The following ROR2 variants were observed in gnomAD, a reference collection of about 807,000 sequenced individuals.
ROR2 encodes the protein tyrosine-protein kinase transmembrane receptor ROR2.
Under a neutral mutation model 74.9 loss-of-function variants are expected in ROR2, and 33 were observed. The ratio of observed to expected loss-of-function variants is 0.44; its 90% CI spans 0.33 to 0.59. The LOEUF is 0.59. Among genes scored for constraint, ROR2 ranks in the 20% least tolerant of loss-of-function variants. ROR2 has a pLI of 0.02. For missense variants in ROR2, 1,216 were observed against 1,313.8 expected, an observed-to-expected ratio of 0.93 and a Z score of 1.15; for synonymous variants, 586 against 558.7, an observed-to-expected ratio of 1.05 and a Z score of -0.69.
At position 91,730,907 on chromosome 9, in the gene ROR2, T is replaced by G; in HGVS notation, c.1183+3A>C. ...ATTAAAAAAAGAGAGAGAGAATACA[T>G]ACTACACGAGGGTACGTCACACAGT... is the stretch of plus-strand genomic sequence containing the variant. On this transcript the variant is annotated splice_donor_region_variant and intron_variant, in intron 7 of 8. Coordinates refer to ENST00000375708, the MANE Select transcript of ROR2 (RefSeq NM_004560.4). The G allele has an allele frequency of 6.2e-7, 1 of 1,614,074 alleles. No homozygotes were observed. The highest frequency in any genetic ancestry group is 8.5e-7 in the Non-Finnish European group (1 of 1,180,012).
At chr9:91,804,004 T>C (rs1827471619) in intron 1 of ROR2, among the ~76,000 whole-genome samples, 1 of 152,232 alleles carries the variant, frequency 6.6e-6, no homozygotes, top group Admixed American at 6.5e-5. Context: ...GAGATTTCGT[T>C]ATTAATTTGC....
chr9:91,776,494 C>T (rs1428721989), intron 1 of ROR2, among the ~76,000 whole-genome samples: 2 of 152,172 alleles, frequency 1.3e-5, no homozygotes, highest in Admixed American at 6.5e-5. Flanking sequence ...ACACCTCTCC[C>T]GGGGCAATCC....
chr9:91,936,756 C>T (rs1288359042), intron 1 of ROR2, among the ~76,000 whole-genome samples: 2 of 152,082 alleles, frequency 1.3e-5, no homozygotes, highest in East Asian at 1.9e-4. Context: ...TTCGGCCGGG[C>T]GCGGTGGCTC....
At chr9:91,812,753 T>G (rs1827803348) in intron 1 of ROR2, among the ~76,000 whole-genome samples, 1 of 152,112 alleles carries the variant, frequency 6.6e-6, no homozygotes, top group African/African-American at 2.4e-5. Context: ...TTTACAGGTC[T>G]TCAGATAATT....
intron 1 of ROR2, among the ~76,000 whole-genome samples, chr9:91,783,873 T>C (rs1367070282): frequency 1.3e-5 from 2 of 152,080 alleles, no homozygotes; most frequent in Admixed American, 1.3e-4. Context: ...GTCTGGATCT[T>C]TTCCTGCCTC....
At position 91,771,166 on chromosome 9, in the gene ROR2, C is replaced by T. The variant is rs556363532; in HGVS notation, c.175+4575G>A. ...ACCTCATATGGGCAAAGTCAGGAAT[C>T]CCCCTGCTGGCTGCAGTGTGGACGA... On this transcript the variant is annotated intron_variant, in intron 2 of 8. Transcript: ENST00000375708. Among the ~76,000 whole-genome samples, 4 of 152,314 alleles carry T rather than the reference C, an allele frequency of 2.6e-5. No individual in the cohort carries two copies. In the South Asian group the frequency reaches 6.2e-4, roughly 24 times the overall value.
In ROR2 at chr9:91,733,454, C is replaced by T. The variant is rs371475268; in HGVS notation, c.623-18G>A. ...GAAGGCCGCTGCAGAGCCCGCGAGA[C>T]TCGCGTTAGCGGGGGACCCACCTTG... On this transcript the variant is annotated intron_variant, in intron 5 of 8. Coordinates refer to ENST00000375708, the MANE Select transcript of ROR2 (RefSeq NM_004560.4). This position sits in a 1 kb window ranked among gnomAD's most constrained non-coding sequence, Gnocchi z 5.7. The T allele has an allele frequency of 3.7e-6, 6 of 1,605,754 alleles. No homozygotes were observed. In the African/African-American group the frequency reaches 4.0e-5, roughly 11 times the overall value.
intron 2 of ROR2, among the ~76,000 whole-genome samples, chr9:91,764,462 A>T (rs1278263769): frequency 6.6e-6 from 1 of 152,016 alleles, no homozygotes; most frequent in Non-Finnish European, 1.5e-5. Flanking sequence ...TGAAAGTTAT[A>T]CATAAGTGGC....
At chr9:91,902,814 G>C (rs986235594) in intron 1 of ROR2, among the ~76,000 whole-genome samples, 2 of 152,236 alleles carry the variant, frequency 1.3e-5, no homozygotes, top group Non-Finnish European at 2.9e-5. Flanking sequence ...CTGCAACATG[G>C]ATAAGCCTCG....
At chr9:91,836,526 T>G (rs1587767351) in intron 1 of ROR2, among the ~76,000 whole-genome samples, 1 of 138,022 alleles carries the variant, frequency 7.2e-6, no homozygotes, top group African/African-American at 3.1e-5. Flanking sequence ...GAAGACAGAG[T>G]GAGATTCCAT....
At chr9:91,936,579 T>C (rs1168171783) in intron 1 of ROR2, among the ~76,000 whole-genome samples, 1 of 152,178 alleles carries the variant, frequency 6.6e-6, no homozygotes, top group African/African-American at 2.4e-5. Context: ...CTTCAACATA[T>C]CTTCTTTTGA....
chr9:91,933,230 C>T (rs567438877), intron 1 of ROR2, among the ~76,000 whole-genome samples: 72 of 152,248 alleles, frequency 4.7e-4, no homozygotes, highest in Non-Finnish European at 9.3e-4. Context: ...GCAGAAGAAT[C>T]GCTTGAACCC....
intron 1 of ROR2, among the ~76,000 whole-genome samples, chr9:91,896,460 T>A (rs1340793266): frequency 1.3e-5 from 2 of 152,244 alleles, no homozygotes; most frequent in East Asian, 3.8e-4. Flanking sequence ...CTTCGGCTTC[T>A]GGAAAGATCT....
At chr9:91,806,832 G>C (rs773316724) in intron 1 of ROR2, among the ~76,000 whole-genome samples, 2 of 152,076 alleles carry the variant, frequency 1.3e-5, no homozygotes, top group African/African-American at 2.4e-5. Flanking sequence ...CTTGTGATCC[G>C]CCCGCCTCGG....
chr9:91,772,298 T>C (rs1826257981), intron 2 of ROR2, among the ~76,000 whole-genome samples: 1 of 152,200 alleles, frequency 6.6e-6, no homozygotes, highest in South Asian at 2.1e-4. Flanking sequence ...CCACCAATCA[T>C]CACGATGGTG....
At chr9:91,917,480 TG>T (rs1831165820) in intron 1 of ROR2, among the ~76,000 whole-genome samples, 1 of 152,164 alleles carries the variant, frequency 6.6e-6, no homozygotes, top group African/African-American at 2.4e-5. Flanking sequence ...GTGTCCTCAC[TG>T]AGAGGGCACC....
At chr9:91,914,198 T>C (rs1301323785) in intron 1 of ROR2, among the ~76,000 whole-genome samples, 2 of 152,166 alleles carry the variant, frequency 1.3e-5, no homozygotes, top group Non-Finnish European at 2.9e-5. Flanking sequence ...ACAAAGGCGC[T>C]TCCCTTCGAG....
At chr9:91,812,393 C>T (rs927285859) in intron 1 of ROR2, among the ~76,000 whole-genome samples, 7 of 151,668 alleles carry the variant, frequency 4.6e-5, no homozygotes, top group African/African-American at 1.2e-4. Context: ...GGCTCCTGCG[C>T]GGGGGCCGGG....
At chr9:91,727,070 G>A (rs577879531) in intron 7 of ROR2, among the ~76,000 whole-genome samples, 15 of 152,222 alleles carry the variant, frequency 9.9e-5, no homozygotes, top group South Asian at 2.1e-4. Flanking sequence ...GAATACCATC[G>A]GAGATAGGTG....
Sources: allele counts gnomAD v4.1 joint callset (sites outside exome capture counted in the v4.1 genomes callset), GRCh38; gene constraint gnomAD v4.1.1; non-coding constraint Gnocchi (gnomAD v3.1); transcripts MANE v1.5; gene names NCBI Gene and HGNC (gene_info 2026-07-23, HGNC 2026-07-21).